SLC35C1: variants seen among roughly 807,000 people sequenced by gnomAD.
The protein encoded by SLC35C1 is solute carrier family 35 member C1, also known as GDP-fucose transporter 1.
Under a neutral mutation model 23.2 loss-of-function variants are expected in SLC35C1, and 8 were observed. The ratio of observed to expected loss-of-function variants is 0.35; its 90% confidence interval spans 0.20 to 0.62. The LOEUF is 0.62. Ranked by LOEUF, SLC35C1 falls within the 20% of genes least tolerant of loss-of-function variation. The pLI is 0.75. For missense variants in SLC35C1, 422 were observed against 478.6 expected (o/e 0.88, Z 1.10); for synonymous variants, 226 against 225.1 (o/e 1.00, Z -0.04).
chr11:45,810,072 G>A (rs976579345), intron 1 of SLC35C1: 2 of 985,256 alleles, frequency 2.0e-6, no homozygotes, highest in African/African-American at 1.7e-5. Context: ...GCAGGGAGAC[G>A]AGCAGGGAAG....
Position 45,810,797 on chromosome 11 carries a change from A to C in SLC35C1, c.557A>C (p.Asp186Ala), listed in dbSNP as rs1590746969. The change falls in exon 2 of 2, where the codon GAC becomes GCC. Residue 186 changes from aspartate to alanine, a missense_variant. Coordinates refer to ENST00000314134, the MANE Select transcript of SLC35C1 (RefSeq NM_018389.5). The stretch of plus-strand genomic sequence containing the variant: ...GCAGGGGGCTTCTGGCTTGGTGTGG[A>C]CCAGGAGGGGGCAGAAGGCACCCTG... ...IIIGGFWLGVDQEGAEGTLSW... is the reference protein window; with the variant it reads ...IIIGGFWLGVAQEGAEGTLSW... 6.2e-7 allele frequency: 1 copy of C among 1,612,586 alleles called. No individual in the cohort carries two copies. The highest frequency in any genetic ancestry group is 8.5e-7 in the Non-Finnish European group (1 of 1,179,836).
At chr11:45,807,759 G>C (rs1432080316) in intron 1 of SLC35C1, among the ~76,000 whole-genome samples, 2 of 152,046 alleles carry the variant, frequency 1.3e-5, no homozygotes, top group African/African-American at 4.8e-5. Flanking sequence ...GTTAGAGTAG[G>C]GGAAGCTGCA....
At position 45,812,533 on chromosome 11, in the gene SLC35C1, G is replaced by A. The variant is rs1443780935; in HGVS notation, c.*1198G>A. 1 of 455,906 alleles carries A rather than the reference G, an allele frequency of 2.2e-6. No homozygotes were observed. Among genetic ancestry groups the A allele is most frequent in the Non-Finnish European group, 4.4e-6 (1 of 226,766 alleles). 28.2% of individuals were successfully genotyped at this position (455,906 alleles called of 1,614,324 possible). The stretch of plus-strand genomic sequence containing the variant: ...CCAGCAGATTCGGACTCCGCTGAGG[G>A]CTGTTTCCCGATCCATAGATGGTGC... On this transcript the variant is annotated 3_prime_UTR_variant, in exon 2 of 2. Transcript: ENST00000314134.
rs755166873 is a variant in SLC35C1 at position 45,805,777 on chromosome 11, G to A, written c.-25G>A. ...TCCAGGGAATCAGAGTTCTGGCCGC[G>A]GGGTGACCCAGCTCCTCTGCTACCA... On this transcript the variant is annotated 5_prime_UTR_variant, in exon 1 of 2. Coordinates refer to ENST00000314134, the MANE Select transcript of SLC35C1 (RefSeq NM_018389.5). 3.1e-6 allele frequency: 5 copies of A among 1,610,374 alleles called. No homozygotes were observed. Among genetic ancestry groups the A allele is most frequent in the South Asian group, 1.1e-5 (1 of 91,030 alleles).
chr11:45,806,914 T>C, intron 1 of SLC35C1: 1 of 985,162 alleles, frequency 1.0e-6, no homozygotes, highest in Non-Finnish European at 1.2e-6. Context: ...CAGCTCAGGA[T>C]AGCGCCTGAG....
chr11:45,806,394 GAAC>G (rs1171346475), intron 1 of SLC35C1, 58 bp downstream of exon 1: 31 of 1,589,220 alleles, frequency 2.0e-5, no homozygotes, highest in Non-Finnish European at 2.6e-5. Flanking sequence ...AAGCAGTGAA[GAAC>G]AACTCTTCTA....
intron 1 of SLC35C1, chr11:45,807,038 C>T (rs2085885333): frequency 8.7e-6 from 3 of 344,400 alleles, no homozygotes; most frequent in Admixed American, 6.5e-5. Flanking sequence ...TATAGCATCT[C>T]CTTTGTTCTC....
rs2085959245 is a variant in SLC35C1 at position 45,812,473 on chromosome 11, A to G, written c.*1138A>G. On this transcript the variant is annotated 3_prime_UTR_variant, in exon 2 of 2. Transcript: ENST00000314134. ...CAAACAACAGAAACGTATTGCTCACAGTCCTGGGGGGCTGGGACGCCCAAG... is the reference window on the plus strand; with the variant it reads ...CAAACAACAGAAACGTATTGCTCACGGTCCTGGGGGGCTGGGACGCCCAAG... 1 of 448,278 alleles carries G rather than the reference A, an allele frequency of 2.2e-6. No homozygotes were observed. Among genetic ancestry groups the G allele is most frequent in the South Asian group, 1.6e-5 (1 of 63,826 alleles). 27.8% of individuals were successfully genotyped at this position (448,278 alleles called of 1,614,324 possible). A position where few individuals can be genotyped will look rare whatever the true frequency, so the allele number is the denominator to read the frequency against.
Position 45,805,573 on chromosome 11 carries a change from C to G in SLC35C1, c.-229C>G. 1 of 1,449,338 alleles carries G rather than the reference C, an allele frequency of 6.9e-7. No individual in the cohort carries two copies. The highest frequency in any genetic ancestry group is 1.4e-5 in the South Asian group (1 of 71,632). The allele number at this position is 1,449,338 out of a possible 1,614,324, so 89.8% of individuals were successfully genotyped here. On this transcript the variant is annotated 5_prime_UTR_variant, in exon 1 of 2. Coordinates refer to ENST00000314134, the MANE Select transcript of SLC35C1 (RefSeq NM_018389.5). ...CCTATTCCTCTCCCTTGCCCTGTGT[C>G]TTGTCTCAGAGCCCCCTCGGGGTGG...
chr11:45,809,589 G>A (rs913724506), intron 1 of SLC35C1, among the ~76,000 whole-genome samples: 1 of 152,186 alleles, frequency 6.6e-6, no homozygotes, highest in Non-Finnish European at 1.5e-5. Flanking sequence ...TGGACTTCAG[G>A]ATGATCATAT....
intron 1 of SLC35C1, among the ~76,000 whole-genome samples, chr11:45,807,792 C>T (rs183542408): frequency 1.9e-3 from 288 of 152,262 alleles, no homozygotes; most frequent in African/African-American, 6.4e-3. Flanking sequence ...CCAGAACTCT[C>T]CCAGCCTGCT....
rs115509471 is a variant in SLC35C1 at position 45,812,543 on chromosome 11, G to A, written c.*1208G>A. On this transcript the variant is annotated 3_prime_UTR_variant, in exon 2 of 2. Transcript: ENST00000314134. Reference sequence around the variant, plus strand: ...CGGACTCCGCTGAGGGCTGTTTCCCGATCCATAGATGGTGCCTTCTCGCTG... The same window carrying A: ...CGGACTCCGCTGAGGGCTGTTTCCCAATCCATAGATGGTGCCTTCTCGCTG... The A allele has an allele frequency of 3.2e-3, 1,453 of 456,016 alleles. 22 individuals are homozygous for A. The highest frequency in any genetic ancestry group is 0.027 in the African/African-American group (1,338 of 50,180). The allele number at this position is 456,016 out of a possible 1,614,324, so 28.2% of individuals were successfully genotyped here.
intron 1 of SLC35C1, 149 bp from the exon 2 acceptor site, chr11:45,810,627 G>T: frequency 6.9e-7 from 1 of 1,441,436 alleles, no homozygotes; most frequent in South Asian, 1.5e-5. Flanking sequence ...GGAGACTCTG[G>T]CTGTGCTTAT....
upstream of SLC35C1, chr11:45,804,748 G>A (rs2085848623): frequency 1.6e-5 from 16 of 985,694 alleles, no homozygotes; most frequent in South Asian, 6.6e-4. Context: ...ATTGGCAGAG[G>A]GACGCGGGGC....
intron 1 of SLC35C1, chr11:45,810,368 C>T: frequency 1.0e-6 from 1 of 985,462 alleles, no homozygotes; most frequent in Non-Finnish European, 1.2e-6. Flanking sequence ...AAGTGGCACT[C>T]ATTCTTCAGA....
Position 45,805,673 on chromosome 11 carries a change from C to A in SLC35C1, c.-129C>A, listed in dbSNP as rs181710036. ...TCAATCCATGAGGACAATGGGGAGG[C>A]CTTTAGGCCAGCCCACATGTGACAA... On this transcript the variant is annotated 5_prime_UTR_variant, in exon 1 of 2. Transcript: ENST00000314134. The A allele has an allele frequency of 6.2e-5, 97 of 1,562,002 alleles. No homozygotes were observed. In the African/African-American group the frequency reaches 1.3e-3, roughly 21 times the overall value.
chr11:45,810,840 C>G lies in SLC35C1; in HGVS notation c.600C>G (p.Val200=). 2 of 1,612,468 alleles carry G rather than the reference C, an allele frequency of 1.2e-6. No individual in the cohort carries two copies. Among genetic ancestry groups the G allele is most frequent in the Non-Finnish European group, 1.7e-6 (2 of 1,180,028 alleles). ...AEGTLSWLGT[V]FGVLASLCVS... ...GCACCCTGTCGTGGCTGGGCACCGT[C>G]TTCGGCGTGCTGGCTAGCCTCTGTG... is the stretch of plus-strand genomic sequence containing the variant. Residue 200 remains valine, a synonymous_variant, in exon 2 of 2, where the codon GTC becomes GTG. Coordinates refer to ENST00000314134, the MANE Select transcript of SLC35C1 (RefSeq NM_018389.5).
intron 1 of SLC35C1, chr11:45,809,772 A>G: frequency 1.0e-6 from 1 of 985,436 alleles, no homozygotes; most frequent in Non-Finnish European, 1.2e-6. Flanking sequence ...GTGTTGCCAG[A>G]TGCTGTGGCA....
At position 45,805,454 on chromosome 11, in the gene SLC35C1, C is replaced by T. The variant is rs1348302276; in HGVS notation, c.-348C>T. The T allele has an allele frequency of 8.7e-7, 1 of 1,145,288 alleles. No individual in the cohort carries two copies. The highest frequency in any genetic ancestry group is 4.1e-5 in the Admixed American group (1 of 24,686). 70.9% of individuals were successfully genotyped at this position (1,145,288 alleles called of 1,614,324 possible). A position where few individuals can be genotyped will look rare whatever the true frequency, so the allele number is the denominator to read the frequency against. ...CCTACTCCTGCCCCGCCCTGCCATT[C>T]CTCTCCCCTCCCTTCTCTCTGCGAC... On this transcript the variant is annotated 5_prime_UTR_variant, in exon 1 of 2. Coordinates refer to ENST00000314134, the MANE Select transcript of SLC35C1 (RefSeq NM_018389.5).
Sources: allele counts gnomAD v4.1 joint callset (sites outside exome capture counted in the v4.1 genomes callset), GRCh38; gene constraint gnomAD v4.1.1; transcripts MANE v1.5; gene names NCBI Gene and HGNC (gene_info 2026-07-23, HGNC 2026-07-21).